COL4A4: variants seen among roughly 807,000 people sequenced by gnomAD.
COL4A4 encodes the protein collagen alpha-4(IV) chain.
COL4A4 carries 105 observed loss-of-function variants against 192.9 expected under a neutral mutation model. The ratio of observed to expected loss-of-function variants is 0.54; its 90% CI spans 0.46 to 0.64. The LOEUF is 0.64. COL4A4 is among the 30% of genes least tolerant of loss of function. COL4A4 has a pLI of 0.00. For synonymous variants in COL4A4, 762 were observed against 769.9 expected, an observed-to-expected ratio of 0.99 and a Z score of 0.17; for missense variants, 1,967 against 2,169.3, an observed-to-expected ratio of 0.91 and a Z score of 1.85.
downstream of COL4A4, among the ~76,000 whole-genome samples, chr2:227,001,381 G>C (rs1033160993): frequency 1.8e-5 from 2 of 112,894 alleles, no homozygotes; most frequent in African/African-American, 4.4e-5. Flanking sequence ...TGAGATAAAG[G>C]CCTGTGGGAT....
chr2:227,052,089 G>C (rs1352451990), intron 32 of COL4A4, among the ~76,000 whole-genome samples: 1 of 152,018 alleles, frequency 6.6e-6, no homozygotes, highest in East Asian at 1.9e-4. Context: ...TACTCGGGAG[G>C]CTGAGGCAGG....
At position 227,022,038 on chromosome 2, in the gene COL4A4, C is replaced by T. The variant is rs753712026; in HGVS notation, c.4216+10G>A. The stretch of plus-strand genomic sequence containing the variant: ...ATGAAAATAATGAACAATCAGCATG[C>T]GGCTCATACCTGGTCCTGAGGGGCC... On this transcript the variant is annotated intron_variant, in intron 44 of 47. Transcript: ENST00000396625. The T allele has an allele frequency of 7.4e-6, 12 of 1,611,406 alleles. No individual in the cohort carries two copies. Among genetic ancestry groups the T allele is most frequent in the South Asian group, 5.5e-5 (5 of 90,602 alleles).
At chr2:227,164,460 C>G (rs79908084), upstream of COL4A4, 2 of 548,400 alleles carry the variant, frequency 3.6e-6, no homozygotes, top group South Asian at 2.1e-5. The surrounding 1 kb of genome is among the most constrained non-coding windows in gnomAD (Gnocchi z 4.8). Flanking sequence ...GCACGATGCC[C>G]GGGTAGAAGG....
At chr2:227,124,481 A>G (rs1270245881) in intron 4 of COL4A4, among the ~76,000 whole-genome samples, 3 of 152,218 alleles carry the variant, frequency 2.0e-5, no homozygotes, top group Admixed American at 6.5e-5. Flanking sequence ...TCAAAACTAT[A>G]TTTTATAGGC....
chr2:227,017,473 T>G (rs761381187), intron 44 of COL4A4, among the ~76,000 whole-genome samples: 1 of 152,202 alleles, frequency 6.6e-6, no homozygotes, highest in Non-Finnish European at 1.5e-5. Flanking sequence ...AGTGTTGCCT[T>G]GAAGAGAAAC....
At chr2:226,981,820 C>G in the COL4A4 span, among the ~76,000 whole-genome samples, 1 of 152,210 alleles carries the variant, frequency 6.6e-6, no homozygotes, top group Non-Finnish European at 1.5e-5. Context: ...AAGAATTTCT[C>G]AGCTCTGGGG....
In COL4A4 at chr2:227,054,669, G is replaced by C; in HGVS notation, c.2785C>G (p.Pro929Ala). ...ERGKPGAEGC[P>A]GAKGEPGEKG... ...TCTCCAGGTTCTCCCTTTGCGCCAG[G>C]ACATCCCTCTGCACCAGGCTTTCCT... The change falls in exon 31 of 48, where the codon CCT (proline) becomes GCT (alanine). Residue 929 changes from proline to alanine, a missense_variant. Coordinates refer to ENST00000396625, the MANE Select transcript of COL4A4 (RefSeq NM_000092.5). The C allele has an allele frequency of 6.2e-7, 1 of 1,614,228 alleles. No homozygotes were observed. The highest frequency in any genetic ancestry group is 1.1e-5 in the South Asian group (1 of 91,088).
intron 26 of COL4A4, 82 bp downstream of exon 26, chr2:227,062,448 C>A: frequency 1.1e-6 from 1 of 870,784 alleles, no homozygotes; most frequent in Non-Finnish European, 1.9e-6. Context: ...TCTGAGGATT[C>A]ACTCTTGGTT....
chr2:227,016,451 AT>A lies in COL4A4; in HGVS notation c.4217-4155del, dbSNP rs1429137003. On this transcript the variant is annotated intron_variant, in intron 44 of 47. Transcript: ENST00000396625. ...ACAGCCTGTGGGCCATTTACTGCCC[AT>A]TTTAGTAACCCCAGTTACAGTGGAA... Among the ~76,000 whole-genome samples, 3 of 152,156 alleles carry A rather than the reference AT, an allele frequency of 2.0e-5. No homozygotes were observed. The East Asian group carries it at 5.8e-4, about 29-fold the overall frequency.
the COL4A4 span, among the ~76,000 whole-genome samples, chr2:226,987,612 C>T: frequency 2.0e-5 from 3 of 152,230 alleles, no homozygotes; most frequent in African/African-American, 7.2e-5. Context: ...ACACTCGAAC[C>T]TCTGTGTGGG....
downstream of COL4A4, among the ~76,000 whole-genome samples, chr2:227,000,752 T>G (rs1408513767): frequency 6.6e-6 from 1 of 151,762 alleles, no homozygotes; most frequent in Non-Finnish European, 1.5e-5. Context: ...CCAAATCTCA[T>G]CTTGAATTCC....
chr2:227,117,754 G>A (rs2061567820), intron 7 of COL4A4, among the ~76,000 whole-genome samples: 2 of 151,884 alleles, frequency 1.3e-5, no homozygotes, highest in African/African-American at 4.8e-5. Context: ...ATGGGGGGTA[G>A]CTCTTGCTCC....
chr2:227,027,539 C>T (rs982123128), intron 42 of COL4A4, among the ~76,000 whole-genome samples: 2 of 150,242 alleles, frequency 1.3e-5, no homozygotes, highest in Admixed American at 6.6e-5. Context: ...ATGTAAATGA[C>T]GAGTTAATGG....
chr2:227,035,446 T>C (rs1969430238), intron 37 of COL4A4, among the ~76,000 whole-genome samples: 1 of 151,926 alleles, frequency 6.6e-6, no homozygotes. Context: ...ATTCTATTTA[T>C]CATCAGTACT....
intron 4 of COL4A4, among the ~76,000 whole-genome samples, chr2:227,138,157 TCAA>T (rs1215200759): frequency 6.7e-6 from 1 of 149,810 alleles, no homozygotes; most frequent in African/African-American, 2.5e-5. Flanking sequence ...ATAATAATAA[TCAA>T]AAAAATAATT....
intron 25 of COL4A4, among the ~76,000 whole-genome samples, chr2:227,069,439 G>A (rs10209236): frequency 0.1 from 15,142 of 152,080 alleles, 861 homozygotes; most frequent in African/African-American, 0.15. Flanking sequence ...GAACAAAGCC[G>A]GAGGCATCAC....
chr2:227,032,124 A>C (rs372005843), intron 39 of COL4A4, 24 bp downstream of exon 39: 168 of 1,614,054 alleles, frequency 1.0e-4, no homozygotes, highest in Non-Finnish European at 1.3e-4. Flanking sequence ...TATTGAAAGA[A>C]GGGCAAAGCA....
chr2:227,085,037 A>G (rs929062515), intron 22 of COL4A4, among the ~76,000 whole-genome samples: 19 of 152,108 alleles, frequency 1.2e-4, no homozygotes, highest in African/African-American at 4.3e-4. Flanking sequence ...AGGCTGAGGC[A>G]GCAGAATCGC....
chr2:227,054,751 A>C lies in COL4A4; in HGVS notation c.2717-14T>G. On this transcript the variant is annotated splice_polypyrimidine_tract_variant and intron_variant, in intron 30 of 47. Coordinates refer to ENST00000396625, the MANE Select transcript of COL4A4 (RefSeq NM_000092.5). ...GCCCCCGGGGTCCTGGTGAAATGAG[A>C]GCATAAAGTTTTAGGAAAATATTTT... The C allele has an allele frequency of 6.2e-7, 1 of 1,612,446 alleles. No individual in the cohort carries two copies. The highest frequency in any genetic ancestry group is 8.5e-7 in the Non-Finnish European group (1 of 1,179,274).
Sources: allele counts gnomAD v4.1 joint callset (sites outside exome capture counted in the v4.1 genomes callset), GRCh38; gene constraint gnomAD v4.1.1; non-coding constraint Gnocchi (gnomAD v3.1); transcripts MANE v1.5; gene names NCBI Gene and HGNC (gene_info 2026-07-23, HGNC 2026-07-21).